SHOC2: variants seen among roughly 807,000 people sequenced by gnomAD.
The protein encoded by SHOC2 is leucine-rich repeat protein SHOC-2.
A neutral mutation model predicts 50.2 loss-of-function variants in SHOC2; 4 were observed. The ratio of observed to expected loss-of-function variants is 0.08; its 90% CI spans 0.04 to 0.18. The LOEUF (loss-of-function observed/expected upper bound fraction) is 0.18. Among genes scored for constraint, SHOC2 ranks in the 10% least tolerant of loss-of-function variants. SHOC2 has a pLI of 1.00. For missense variants in SHOC2, 388 were observed against 669.6 expected, an observed-to-expected ratio of 0.58 and a Z score of 4.64; for synonymous variants, 218 against 244.5, an observed-to-expected ratio of 0.89 and a Z score of 1.01.
In SHOC2 at chr10:111,013,076, C is replaced by T. The variant is rs1029142477; in HGVS notation, c.*1258C>T. 2 of 152,648 alleles carry T rather than the reference C, an allele frequency of 1.3e-5. No homozygotes were observed. Among genetic ancestry groups the T allele is most frequent in the Admixed American group, 6.5e-5 (1 of 15,296 alleles). 9.5% of individuals were successfully genotyped at this position (152,648 alleles called of 1,614,324 possible). A position where few individuals can be genotyped will look rare whatever the true frequency, so the allele number is the denominator to read the frequency against. Reference sequence around the variant, plus strand: ...TTAATACAGTTATGGAAAAGAGGCACATTGCATAGAAGCCATTGGGGAGTT... The same window carrying T: ...TTAATACAGTTATGGAAAAGAGGCATATTGCATAGAAGCCATTGGGGAGTT... On this transcript the variant is annotated 3_prime_UTR_variant, in exon 9 of 9. Transcript: ENST00000369452.
intron 2 of SHOC2, among the ~76,000 whole-genome samples, chr10:110,975,611 T>C (rs1847862794): frequency 6.6e-6 from 1 of 152,140 alleles, no homozygotes; most frequent in South Asian, 2.1e-4. Flanking sequence ...AATTTTTTTT[T>C]CACGACTAGT....
At chr10:110,923,091 G>A (rs1477922003) in intron 1 of SHOC2, among the ~76,000 whole-genome samples, 1 of 151,958 alleles carries the variant, frequency 6.6e-6, no homozygotes, top group African/African-American at 2.4e-5. Context: ...TATTTTAACT[G>A]CTTGGCCTTC....
chr10:110,952,622 G>T (rs1564710109), intron 1 of SHOC2, among the ~76,000 whole-genome samples: 1 of 151,698 alleles, frequency 6.6e-6, no homozygotes, highest in African/African-American at 2.4e-5. Context: ...GGGTATACAT[G>T]TGCCATCATG....
intron 2 of SHOC2, among the ~76,000 whole-genome samples, chr10:110,978,012 C>T (rs1220321233): frequency 6.6e-6 from 1 of 152,218 alleles, no homozygotes; most frequent in Non-Finnish European, 1.5e-5. Context: ...TCCAGTTCTG[C>T]CTCCCAAATT....
chr10:110,935,231 A>G (rs1846983956), intron 1 of SHOC2, among the ~76,000 whole-genome samples: 1 of 152,222 alleles, frequency 6.6e-6, no homozygotes, highest in Non-Finnish European at 1.5e-5. Context: ...GTAGGTAAAT[A>G]TTATTCCCTT....
intron 2 of SHOC2, among the ~76,000 whole-genome samples, chr10:110,969,788 C>A (rs1564716417): frequency 3.3e-5 from 5 of 151,936 alleles, no homozygotes; most frequent in Admixed American, 6.6e-5. Context: ...TCAAAATAAC[C>A]TTTTTTGCTT....
At chr10:110,956,339 A>C (rs1795244481) in intron 1 of SHOC2, among the ~76,000 whole-genome samples, 1 of 152,072 alleles carries the variant, frequency 6.6e-6, no homozygotes, top group Non-Finnish European at 1.5e-5. Context: ...CAGTCTCCCA[A>C]GTAGCTGGGA....
chr10:110,940,309 A>G (rs1590785989), intron 1 of SHOC2, among the ~76,000 whole-genome samples: 1 of 152,126 alleles, frequency 6.6e-6, no homozygotes, highest in African/African-American at 2.4e-5. Flanking sequence ...ATTGTGGTGT[A>G]TGTTCTTCTA....
At chr10:110,932,223 T>TA (rs968968954) in intron 1 of SHOC2, among the ~76,000 whole-genome samples, 2 of 152,168 alleles carry the variant, frequency 1.3e-5, no homozygotes, top group Admixed American at 6.5e-5. Flanking sequence ...TGGGAAGTAT[T>TA]AGAGTTGTGG....
At chr10:110,922,686 A>G (rs1339407090) in intron 1 of SHOC2, among the ~76,000 whole-genome samples, 1 of 152,110 alleles carries the variant, frequency 6.6e-6, no homozygotes, top group East Asian at 1.9e-4. Flanking sequence ...CCCAAACAAT[A>G]AAAAACAACA....
intron 5 of SHOC2, among the ~76,000 whole-genome samples, chr10:111,005,644 C>T (rs146648060): frequency 2.0e-3 from 307 of 152,190 alleles, no homozygotes; most frequent in African/African-American, 6.8e-3. Context: ...TATGGGTGAA[C>T]GTTAGTTTCC....
intron 1 of SHOC2, among the ~76,000 whole-genome samples, chr10:110,938,646 G>A (rs1407325890): frequency 6.6e-6 from 1 of 152,118 alleles, no homozygotes; most frequent in Non-Finnish European, 1.5e-5. Context: ...TGTACTTTGC[G>A]AAGAACGTAT....
At chr10:110,941,803 G>T (rs915206714) in intron 1 of SHOC2, among the ~76,000 whole-genome samples, 2 of 151,578 alleles carry the variant, frequency 1.3e-5, no homozygotes, top group African/African-American at 4.8e-5. Context: ...TTTCTTTTAT[G>T]AAAAAAAATT....
intron 1 of SHOC2, among the ~76,000 whole-genome samples, chr10:110,946,569 A>T (rs1352248773): frequency 6.6e-6 from 1 of 152,068 alleles, no homozygotes; most frequent in Admixed American, 6.6e-5. Flanking sequence ...TTATATGTAG[A>T]TCAAGAATGA....
rs182650101 is a variant in SHOC2, at chr10:110,953,921, A to G, written c.-234-10204A>G. On this transcript the variant is annotated intron_variant, in intron 1 of 8. Transcript: ENST00000369452. Reference sequence around the variant, plus strand: ...ATATATAATTATTACTTTTTAATATATTTAACCTAAGTGAAGTCATCTATC... The same window carrying G: ...ATATATAATTATTACTTTTTAATATGTTTAACCTAAGTGAAGTCATCTATC... Among the ~76,000 whole-genome samples the G allele has an allele frequency of 1.1e-3, 164 of 151,158 alleles. 1 individual carries two copies. Among genetic ancestry groups the G allele is most frequent in the Non-Finnish European group, 2.0e-3 (133 of 67,696 alleles).
At chr10:110,971,175 T>C (rs544640881) in intron 2 of SHOC2, among the ~76,000 whole-genome samples, 38 of 152,230 alleles carry the variant, frequency 2.5e-4, no homozygotes, top group African/African-American at 8.7e-4. Context: ...TAGTTTTATA[T>C]TTTTGGTTCT....
chr10:110,919,743 G>A (rs2134059652), intron 1 of SHOC2, 86 bp downstream of exon 1: 1 of 396,696 alleles, frequency 2.5e-6, no homozygotes, highest in East Asian at 3.6e-5. Context: ...CGGGCTGGCT[G>A]TCGGTAGGGG....
intron 2 of SHOC2, among the ~76,000 whole-genome samples, chr10:110,972,762 G>A (rs1286699818): frequency 6.6e-6 from 1 of 152,082 alleles, no homozygotes; most frequent in African/African-American, 2.4e-5. Context: ...ACCTGAGTCC[G>A]GTAGGTTGAG....
In SHOC2 at chr10:110,964,429, G is replaced by A. The variant is rs1564714561; in HGVS notation, c.71G>A (p.Arg24Lys). Residue 24 changes from arginine to lysine, a missense_variant, in exon 2 of 9, where the codon AGA (arginine) becomes AAA (lysine). By Grantham distance (26) the Arg-to-Lys change is conservative. This residue lies in a region of SHOC2 where 121 missense variants were observed against 145.5 expected (regional missense o/e 0.83). Coordinates refer to ENST00000369452, the MANE Select transcript of SHOC2 (RefSeq NM_007373.4). The surrounding 1 kb of genome is among the most constrained non-coding windows in gnomAD (Gnocchi z 4.9). ...KDPKVPSAKE[R>K]EKEAKASGGF... ...CCCAAAGTACCATCAGCCAAGGAAA[G>A]AGAAAAGGAGGCAAAAGCCTCTGGA... The A allele has an allele frequency of 6.2e-7, 1 of 1,613,268 alleles. No individual in the cohort carries two copies. Among genetic ancestry groups the A allele is most frequent in the Non-Finnish European group, 8.5e-7 (1 of 1,179,840 alleles).
Sources: allele counts gnomAD v4.1 joint callset (sites outside exome capture counted in the v4.1 genomes callset), GRCh38; gene constraint gnomAD v4.1.1; regional missense constraint gnomAD v4.1.1; non-coding constraint Gnocchi (gnomAD v3.1); transcripts MANE v1.5; gene names NCBI Gene and HGNC (gene_info 2026-07-23, HGNC 2026-07-21).